The following DLGAP4 variants were observed in gnomAD, a reference collection of about 807,000 sequenced individuals.
DLGAP4 encodes disks large-associated protein 4.
In DLGAP4, 18 loss-of-function variants were observed where a neutral mutation model predicts 86.9. The observed-to-expected ratio is 0.21, with a 90% CI of 0.14 to 0.31. The LOEUF is 0.31. Ranked by LOEUF, DLGAP4 falls within the 10% of genes least tolerant of loss-of-function variation. The pLI is 1.00. For missense variants in DLGAP4, 1,085 were observed against 1,362.6 expected, an observed-to-expected ratio of 0.80 and a Z score of 3.21; for synonymous variants, 548 against 574.3, an observed-to-expected ratio of 0.95 and a Z score of 0.65.
intron 10 of DLGAP4, among the ~76,000 whole-genome samples, chr20:36,516,934 C>T (rs115756487): frequency 6.6e-6 from 1 of 151,888 alleles, no homozygotes; most frequent in African/African-American, 2.4e-5. Context: ...AACACCATGC[C>T]TGGCTAATTT....
intron 7 of DLGAP4, among the ~76,000 whole-genome samples, chr20:36,491,487 C>T (rs960298354): frequency 3.9e-5 from 6 of 152,162 alleles, no homozygotes; most frequent in African/African-American, 7.2e-5. Flanking sequence ...GGTGGTTTCA[C>T]GTGCTGTGGT....
At chr20:36,334,358 C>T (rs1285778810) in intron 1 of DLGAP4, among the ~76,000 whole-genome samples, 3 of 152,130 alleles carry the variant, frequency 2.0e-5, no homozygotes, top group South Asian at 2.1e-4. Flanking sequence ...GCAAAGGCCA[C>T]GAGGTGAGAG....
At chr20:36,502,131 CACA>C (rs1347695764) in intron 10 of DLGAP4, among the ~76,000 whole-genome samples, 1 of 152,182 alleles carries the variant, frequency 6.6e-6, no homozygotes, top group East Asian at 1.9e-4. Flanking sequence ...TTAGCTCTCA[CACA>C]ACCTCTGTCT....
At chr20:36,480,282 G>A (rs932668642) in intron 7 of DLGAP4, among the ~76,000 whole-genome samples, 11 of 152,172 alleles carry the variant, frequency 7.2e-5, no homozygotes, top group Admixed American at 2.0e-4. Flanking sequence ...CTTCCCAGAC[G>A]AAGGTGTTTT....
intron 1 of DLGAP4, among the ~76,000 whole-genome samples, chr20:36,326,012 C>T (rs2065212738): frequency 6.6e-6 from 1 of 152,184 alleles, no homozygotes; most frequent in Admixed American, 6.5e-5. Flanking sequence ...GTCACTGTGC[C>T]TGTCCTGAAA....
At chr20:36,359,246 A>G (rs1361938767) in intron 1 of DLGAP4, among the ~76,000 whole-genome samples, 2 of 152,144 alleles carry the variant, frequency 1.3e-5, no homozygotes, top group African/African-American at 4.8e-5. Context: ...CAGCCTCCCA[A>G]GTAGCTGGAA....
chr20:36,486,981 T>C (rs2035446364), intron 7 of DLGAP4, among the ~76,000 whole-genome samples: 1 of 152,080 alleles, frequency 6.6e-6, no homozygotes, highest in Non-Finnish European at 1.5e-5. Context: ...TTAAAAACTG[T>C]CAGGGTTCCA....
intron 4 of DLGAP4, among the ~76,000 whole-genome samples, chr20:36,438,677 C>A (rs1163403305): frequency 1.3e-5 from 2 of 149,204 alleles, no homozygotes; most frequent in Non-Finnish European, 3.0e-5. Context: ...TAGGTGTGAG[C>A]CACCACGCCT....
intron 2 of DLGAP4, among the ~76,000 whole-genome samples, chr20:36,425,935 C>A (rs1413768086): frequency 6.6e-6 from 1 of 152,126 alleles, no homozygotes. Context: ...ACTTGGACAC[C>A]ATTGTTTGTA....
chr20:36,385,420 A>G (rs1213192489), intron 2 of DLGAP4, among the ~76,000 whole-genome samples: 1 of 152,222 alleles, frequency 6.6e-6, no homozygotes, highest in Non-Finnish European at 1.5e-5. Flanking sequence ...AGTAGTAGAA[A>G]TAAGACCCAG....
At chr20:36,419,774 A>G (rs2032769687) in intron 2 of DLGAP4, among the ~76,000 whole-genome samples, 1 of 152,228 alleles carries the variant, frequency 6.6e-6, no homozygotes, top group Non-Finnish European at 1.5e-5. Flanking sequence ...AACTTCTCCA[A>G]GGGAGCAAAG....
rs149637091 is a variant in DLGAP4 at position 36,528,422 on chromosome 20, G to A, written c.*1391G>A. On this transcript the variant is annotated 3_prime_UTR_variant, in exon 13 of 13. Coordinates refer to ENST00000339266, the MANE Select transcript of DLGAP4 (RefSeq NM_001365621.2). ...TCTCTGGCATCCGAGACATCCTCTT[G>A]GCTGGCGCTTGCTGCAGGGGGGGAC... The A allele has an allele frequency of 1.1e-4, 17 of 151,706 alleles. No individual in the cohort carries two copies. Among genetic ancestry groups the A allele is most frequent in the Non-Finnish European group, 1.0e-4 (7 of 68,198 alleles). 9.4% of individuals were successfully genotyped at this position (151,706 alleles called of 1,614,324 possible). A position where few individuals can be genotyped will look rare whatever the true frequency, so the allele number is the denominator to read the frequency against.
chr20:36,434,086 G>T (rs890701759), intron 3 of DLGAP4, among the ~76,000 whole-genome samples: 1 of 151,732 alleles, frequency 6.6e-6, no homozygotes, highest in Non-Finnish European at 1.5e-5. Flanking sequence ...TGGGATTATA[G>T]GTGCGAGCCA....
chr20:36,413,152 G>A (rs1274856411), intron 2 of DLGAP4, among the ~76,000 whole-genome samples: 1 of 151,328 alleles, frequency 6.6e-6, no homozygotes, highest in African/African-American at 2.4e-5. Context: ...GCTATTTTTT[G>A]TATTTTTAGT....
At chr20:36,359,130 T>C (rs2030430793) in intron 1 of DLGAP4, among the ~76,000 whole-genome samples, 1 of 152,118 alleles carries the variant, frequency 6.6e-6, no homozygotes, top group Admixed American at 6.6e-5. Context: ...ATTTTTATTA[T>C]TATTATTTTT....
chr20:36,473,570 T>C (rs1600598591), intron 7 of DLGAP4, among the ~76,000 whole-genome samples: 1 of 152,266 alleles, frequency 6.6e-6, no homozygotes, highest in East Asian at 1.9e-4. Context: ...CTAAGGAAAT[T>C]CTCAGACTTA....
intron 7 of DLGAP4, among the ~76,000 whole-genome samples, chr20:36,483,928 ATTTAGGCCCT>A (rs1480820155): frequency 2.0e-5 from 3 of 152,340 alleles, no homozygotes; most frequent in South Asian, 2.1e-4. Flanking sequence ...TAAAGGGCCC[ATTTAGGCCCT>A]TTTAGGCCCT....
chr20:36,464,177 G>A (rs1194534632), intron 7 of DLGAP4, among the ~76,000 whole-genome samples: 1 of 152,160 alleles, frequency 6.6e-6, no homozygotes, highest in African/African-American at 2.4e-5. Context: ...CCCACTTTTA[G>A]GGATGTCACT....
intron 2 of DLGAP4, among the ~76,000 whole-genome samples, chr20:36,412,682 A>G (rs1033052884): frequency 4.6e-5 from 7 of 152,232 alleles, no homozygotes; most frequent in Admixed American, 1.3e-4. Context: ...ACGTGTATGT[A>G]GGAAGCATCT....
Sources: allele counts gnomAD v4.1 joint callset (sites outside exome capture counted in the v4.1 genomes callset), GRCh38; gene constraint gnomAD v4.1.1; transcripts MANE v1.5; gene names NCBI Gene and HGNC (gene_info 2026-07-23, HGNC 2026-07-21).